Variants in PHIP observed in about 807,000 individuals in gnomAD.
PHIP encodes PHIP subunit of CUL4-Ring ligase complex, also known as PH-interacting protein.
In PHIP, 54 loss-of-function variants were observed where a neutral mutation model predicts 236.8. The observed-to-expected ratio is 0.23, with a 90% CI of 0.18 to 0.29. PHIP has a LOEUF of 0.29. PHIP is among the 10% of genes least tolerant of loss of function. PHIP has a pLI of 1.00. For missense variants in PHIP, 1,370 were observed against 2,190.8 expected, an observed-to-expected ratio of 0.63 and a Z score of 7.48; for synonymous variants, 756 against 718.9, an observed-to-expected ratio of 1.05 and a Z score of -0.83.
At chr6:79,055,710 A>G (rs954885305) in intron 6 of PHIP, among the ~76,000 whole-genome samples, 1 of 152,240 alleles carries the variant, frequency 6.6e-6, no homozygotes, top group African/African-American at 2.4e-5. Context: ...ATCAAAGACC[A>G]AAAGGTTCAA....
chr6:79,062,283 T>A (rs1773417301), intron 4 of PHIP, among the ~76,000 whole-genome samples: 1 of 152,186 alleles, frequency 6.6e-6, no homozygotes, highest in South Asian at 2.1e-4. Context: ...ATATCTATCA[T>A]ATTCACTCAG....
chr6:78,962,877 G>A (rs1766874825), intron 30 of PHIP, among the ~76,000 whole-genome samples: 1 of 151,986 alleles, frequency 6.6e-6, no homozygotes, highest in Admixed American at 6.6e-5. Flanking sequence ...CTTCTAGGAG[G>A]CCCTTATTCT....
intron 4 of PHIP, among the ~76,000 whole-genome samples, chr6:79,077,074 G>C (rs533937282): frequency 2.0e-5 from 3 of 152,166 alleles, no homozygotes; most frequent in East Asian, 1.9e-4. Context: ...GCAAGCGAAC[G>C]AGCGAGCGCG....
At chr6:79,000,322 A>G (rs1012955806) in intron 17 of PHIP, among the ~76,000 whole-genome samples, 1 of 151,978 alleles carries the variant, frequency 6.6e-6, no homozygotes, top group African/African-American at 2.4e-5. Context: ...TATCTATTTC[A>G]TTTTTAAGAT....
chr6:78,991,174 A>C (rs1769217733), intron 19 of PHIP, among the ~76,000 whole-genome samples, 189 bp from the exon 20 acceptor site: 1 of 152,208 alleles, frequency 6.6e-6, no homozygotes, highest in Non-Finnish European at 1.5e-5. Context: ...AATGACTGAA[A>C]TAATGGAAAG....
intron 36 of PHIP, among the ~76,000 whole-genome samples, 165 bp downstream of exon 36, chr6:78,947,458 C>T (rs1363379907): frequency 6.6e-6 from 1 of 152,102 alleles, no homozygotes; most frequent in Non-Finnish European, 1.5e-5. Context: ...TTATTTCATA[C>T]AAGGAGCTGA....
At position 79,042,855 on chromosome 6, in the gene PHIP, T is replaced by C. The variant is rs1582273034; in HGVS notation, c.588A>G (p.Arg196=). 1.9e-6 allele frequency: 3 copies of C among 1,599,278 alleles called. No individual in the cohort carries two copies. The highest frequency in any genetic ancestry group is 1.8e-5 in the Admixed American group (1 of 55,822). The change falls in exon 7 of 40, where the codon AGA becomes AGG. Residue 196 remains arginine, a synonymous_variant. Transcript: ENST00000275034. ...VYCVTFDRTG[R]RIFTGSDDCL... ...AGCAATTACTTACAGTAAATATCCG[T>C]CTGCCAGTTCGATCAAAAGTTACAC...
At chr6:78,982,766 T>A in intron 23 of PHIP, 120 bp downstream of exon 23, 1 of 628,040 alleles carries the variant, frequency 1.6e-6, no homozygotes, top group Non-Finnish European at 2.7e-6. Flanking sequence ...TATTTCTGAG[T>A]TTTTTCTATT....
chr6:78,947,735 G>A lies in PHIP; in HGVS notation c.4094C>T (p.Thr1365Ile). Residue 1365 changes from threonine (T) to isoleucine (I), a missense_variant, in exon 36 of 40, where the codon ACC becomes ATC. By Grantham distance (89) the Thr-to-Ile change is moderately conservative. Transcript: ENST00000275034. Reference protein sequence around the residue: ...DIIDTPMDFATVRETLEAGNY... With the variant: ...DIIDTPMDFAIVRETLEAGNY... ...CCCAGCCTCTAAAGTTTCTCTAACGGTAGCAAAATCCATTGGAGTGTCAAT... is the reference window on the plus strand; with the variant it reads ...CCCAGCCTCTAAAGTTTCTCTAACGATAGCAAAATCCATTGGAGTGTCAAT... 1 of 1,607,276 alleles carries A rather than the reference G, an allele frequency of 6.2e-7. No individual in the cohort carries two copies. Among genetic ancestry groups the A allele is most frequent in the Non-Finnish European group, 8.5e-7 (1 of 1,173,980 alleles).
At chr6:79,045,358 G>C (rs1772428935) in intron 6 of PHIP, among the ~76,000 whole-genome samples, 1 of 152,120 alleles carries the variant, frequency 6.6e-6, no homozygotes, top group Non-Finnish European at 1.5e-5. Flanking sequence ...CAAATAGGTA[G>C]ATAATTTTTA....
At chr6:79,036,451 T>C (rs1771936992) in intron 7 of PHIP, among the ~76,000 whole-genome samples, 1 of 152,186 alleles carries the variant, frequency 6.6e-6, no homozygotes, top group Non-Finnish European at 1.5e-5. Flanking sequence ...ATGCTCACTA[T>C]TGCTTCTAAA....
intron 37 of PHIP, 135 bp downstream of exon 37, chr6:78,946,576 C>T (rs1773830980): frequency 2.1e-6 from 3 of 1,403,276 alleles, no homozygotes; most frequent in South Asian, 1.7e-5. Flanking sequence ...AAATCCTCCA[C>T]ATCATAGGAA....
rs1210326726 is a variant in PHIP at position 78,939,035 on chromosome 6, AT to A, written c.*1657del. ...TGTAGTATCTGAAAATTTTGATTAC[AT>A]TTTTGTACCATACCAGTCCTCAGAA... is the stretch of plus-strand genomic sequence containing the variant. On this transcript the variant is annotated 3_prime_UTR_variant, in exon 40 of 40. Coordinates refer to ENST00000275034, the MANE Select transcript of PHIP (RefSeq NM_017934.7). The A allele has an allele frequency of 1.3e-5, 2 of 151,722 alleles. No individual in the cohort carries two copies. The highest frequency in any genetic ancestry group is 3.8e-4 in the East Asian group (2 of 5,200). The allele number at this position is 151,722 out of a possible 1,614,324, so 9.4% of individuals were successfully genotyped here.
At chr6:78,954,001 C>T (rs1190733660) in intron 35 of PHIP, among the ~76,000 whole-genome samples, 1 of 152,194 alleles carries the variant, frequency 6.6e-6, no homozygotes, top group Non-Finnish European at 1.5e-5. Context: ...TTACTTAGCT[C>T]TTTTTACCAT....
intron 24 of PHIP, among the ~76,000 whole-genome samples, chr6:78,972,748 C>T (rs964608644): frequency 2.6e-5 from 4 of 151,634 alleles, no homozygotes; most frequent in Admixed American, 1.3e-4. Flanking sequence ...CCTCAGGAGC[C>T]GATGCGATGA....
intron 4 of PHIP, among the ~76,000 whole-genome samples, chr6:79,069,405 A>G (rs945794846): frequency 2.6e-5 from 4 of 151,946 alleles, no homozygotes; most frequent in African/African-American, 9.7e-5. Flanking sequence ...TCTCCACAGA[A>G]AAACAGAGTA....
chr6:79,004,913 C>A (rs756188230), intron 15 of PHIP, among the ~76,000 whole-genome samples: 5 of 151,968 alleles, frequency 3.3e-5, no homozygotes, highest in South Asian at 4.1e-4. Context: ...GGAAGGTTTG[C>A]ATTTTGGTAA....
chr6:78,999,822 A>G (rs1350148983), intron 17 of PHIP, among the ~76,000 whole-genome samples: 2 of 152,072 alleles, frequency 1.3e-5, no homozygotes, highest in Admixed American at 6.6e-5. Flanking sequence ...CTAAAATTCA[A>G]TAGGATAAAA....
chr6:78,980,984 T>C (rs1768487171), intron 23 of PHIP, among the ~76,000 whole-genome samples: 3 of 152,036 alleles, frequency 2.0e-5, no homozygotes, highest in Non-Finnish European at 4.4e-5. Context: ...AATAATCATA[T>C]GTATGACTGA....
Sources: allele counts gnomAD v4.1 joint callset (sites outside exome capture counted in the v4.1 genomes callset), GRCh38; gene constraint gnomAD v4.1.1; transcripts MANE v1.5; gene names NCBI Gene and HGNC (gene_info 2026-07-23, HGNC 2026-07-21).